TMEM164: variants seen among roughly 807,000 people sequenced by gnomAD.
TMEM164 encodes the protein RP13-360B22.2.
A neutral mutation model predicts 18.8 loss-of-function variants in TMEM164; 4 were observed. The observed-to-expected ratio is 0.21, with a 90% CI of 0.10 to 0.49. The LOEUF is 0.49. TMEM164 is among the 20% of genes least tolerant of loss of function. The pLI, the probability that TMEM164 is intolerant of heterozygous loss-of-function variation, is 0.98. For synonymous variants in TMEM164, 86 were observed against 101.7 expected, an observed-to-expected ratio of 0.85 and a Z score of 0.93; for missense variants, 108 against 239.9, an observed-to-expected ratio of 0.45 and a Z score of 3.63.
intron 2 of TMEM164, among the ~76,000 whole-genome samples, chrX:110,052,523 T>A (rs1358882131): frequency 9.0e-6 from 1 of 111,518 alleles, no homozygotes; most frequent in South Asian, 3.7e-4. Context: ...TATGGAGACA[T>A]CTTGTTTCAT....
In TMEM164 at chrX:110,020,293, G is replaced by A. The variant is rs1933737291; in HGVS notation, c.390+16129G>A. 9 of 660,926 alleles carry A rather than the reference G, an allele frequency of 1.4e-5. No homozygotes were observed. The South Asian group carries it at 6.3e-4, about 46-fold the overall frequency. 54.5% of individuals were successfully genotyped at this position (660,926 alleles called of 1,213,427 possible). On this transcript the variant is annotated intron_variant, in intron 2 of 6. Coordinates refer to ENST00000372068, the MANE Select transcript of TMEM164 (RefSeq NM_032227.4). ...TCCAATCCCTTTGTTTTCCAGATGAGGAAACTGTGGCTTAGAGGAAAAGGT... is the reference window on the plus strand; with the variant it reads ...TCCAATCCCTTTGTTTTCCAGATGAAGAAACTGTGGCTTAGAGGAAAAGGT...
chrX:110,048,486 G>A (rs139873350), intron 2 of TMEM164, among the ~76,000 whole-genome samples: 1,145 of 111,332 alleles, frequency 0.01, 21 homozygotes, highest in African/African-American at 0.036. Context: ...TGATATGGCC[G>A]GTAAATGAAT....
chrX:110,159,282 G>A (rs1173384200), intron 5 of TMEM164, among the ~76,000 whole-genome samples: 1 of 111,034 alleles, frequency 9.0e-6, no homozygotes, highest in Admixed American at 9.6e-5. Context: ...GTGGAAGAAA[G>A]GCTAGAAGAG....
intron 3 of TMEM164, among the ~76,000 whole-genome samples, chrX:110,081,712 G>A (rs1364696218): frequency 8.9e-6 from 1 of 112,511 alleles, no homozygotes; most frequent in African/African-American, 3.2e-5. Flanking sequence ...GCTCTGTTGT[G>A]ATCTTTATGC....
chrX:110,015,550 AGTGTGTGT>A (rs200228472), intron 2 of TMEM164, among the ~76,000 whole-genome samples: 8 of 99,637 alleles, frequency 8.0e-5, no homozygotes, highest in Non-Finnish European at 1.4e-4. Context: ...CAGGAACTTG[AGTGTGTGT>A]GTGTGTGTGT....
At chrX:110,149,838 G>A (rs908885006) in intron 5 of TMEM164, among the ~76,000 whole-genome samples, 15 of 111,755 alleles carry the variant, frequency 1.3e-4, no homozygotes, top group African/African-American at 4.2e-4. Context: ...CTTGTGGTTC[G>A]TGCCAAGTAG....
At chrX:110,017,450 C>T (rs1350513032) in intron 2 of TMEM164, among the ~76,000 whole-genome samples, 44 of 84,696 alleles carry the variant, frequency 5.2e-4, no homozygotes, top group African/African-American at 1.8e-3. Context: ...TTCTTTCTCT[C>T]TCTCTCTCTC....
intron 3 of TMEM164, among the ~76,000 whole-genome samples, chrX:110,073,616 G>A (rs908485771): frequency 4.5e-5 from 5 of 111,323 alleles, no homozygotes; most frequent in Non-Finnish European, 7.5e-5. Flanking sequence ...ATGAATATAC[G>A]GGTACTTGTA....
At chrX:110,097,790 G>T (rs1167039943) in intron 3 of TMEM164, among the ~76,000 whole-genome samples, 6 of 111,910 alleles carry the variant, frequency 5.4e-5, no homozygotes, top group African/African-American at 1.9e-4. Flanking sequence ...TAAGTGTAAA[G>T]AAAAAACTAG....
intron 3 of TMEM164, among the ~76,000 whole-genome samples, chrX:110,108,657 A>G (rs1285482029): frequency 1.8e-5 from 2 of 111,870 alleles, no homozygotes; most frequent in East Asian, 2.8e-4. Context: ...ATTATACATG[A>G]CAGTGTAAAT....
At chrX:110,127,585 A>G (rs2066553256) in intron 4 of TMEM164, among the ~76,000 whole-genome samples, 1 of 112,516 alleles carries the variant, frequency 8.9e-6, no homozygotes, top group African/African-American at 3.2e-5. Context: ...AAGTGAGAGA[A>G]GATTCTTTTT....
Position 110,162,139 on chromosome X carries a change from T to A in TMEM164, c.587-9281T>A, listed in dbSNP as rs531854640. ...TCTGATACAGAACGAGTTGAAACCT[T>A]GTTGCCTCAGATGATCCAAGAGTTG... is the stretch of plus-strand genomic sequence containing the variant. On this transcript the variant is annotated intron_variant, in intron 5 of 6. Coordinates refer to ENST00000372068, the MANE Select transcript of TMEM164 (RefSeq NM_032227.4). Among the ~76,000 whole-genome samples, 25 of 112,786 alleles carry A rather than the reference T, an allele frequency of 2.2e-4. No homozygotes were observed. In the South Asian group the frequency reaches 5.2e-3, roughly 23 times the overall value.
At chrX:110,127,975 G>A (rs1172883803) in intron 4 of TMEM164, among the ~76,000 whole-genome samples, 3 of 112,397 alleles carry the variant, frequency 2.7e-5, no homozygotes, top group Non-Finnish European at 5.6e-5. Flanking sequence ...TCCACTAAAC[G>A]TATGTTCCTA....
chrX:110,010,961 G>A (rs941367757), intron 2 of TMEM164, among the ~76,000 whole-genome samples: 4 of 111,588 alleles, frequency 3.6e-5, no homozygotes, highest in African/African-American at 1.3e-4. Flanking sequence ...TCTAAGATCT[G>A]CAGGGACTAA....
intron 5 of TMEM164, among the ~76,000 whole-genome samples, chrX:110,169,105 C>T (rs5942902): frequency 0.065 from 7,279 of 111,787 alleles, 216 homozygotes; most frequent in African/African-American, 0.1. Flanking sequence ...ACTGCCCATG[C>T]TCTTATCCAT....
intron 4 of TMEM164, among the ~76,000 whole-genome samples, chrX:110,139,148 A>G (rs1260775091): frequency 1.8e-5 from 2 of 112,564 alleles, no homozygotes; most frequent in East Asian, 5.5e-4. Context: ...AAGGTATTTT[A>G]GCATGTTTGT....
At chrX:110,170,905 T>C (rs1429427699) in intron 5 of TMEM164, among the ~76,000 whole-genome samples, 1 of 111,853 alleles carries the variant, frequency 8.9e-6, no homozygotes, top group African/African-American at 3.3e-5. Context: ...TAAACAACTT[T>C]TCACATGGCC....
chrX:110,134,582 AAAAG>A lies in TMEM164; in HGVS notation c.508-10215_508-10212del, dbSNP rs1417134823. ...CTCAAAAAAAAAAAAAAAAAAAAAA[AAAAG>A]GACCAGTGGCTGCCCCCCCGCTTAA... On this transcript the variant is annotated intron_variant, in intron 4 of 6. Coordinates refer to ENST00000372068, the MANE Select transcript of TMEM164 (RefSeq NM_032227.4). Among the ~76,000 whole-genome samples, 16 of 105,030 alleles carry A rather than the reference AAAAG, an allele frequency of 1.5e-4. 1 individual carries two copies. The highest frequency in any genetic ancestry group is 3.9e-5 in the Non-Finnish European group (2 of 51,176). 91.2% of individuals were successfully genotyped at this position (105,030 alleles called of 115,157 possible). A position where few individuals can be genotyped will look rare whatever the true frequency, so the allele number is the denominator to read the frequency against.
At position 110,176,494 on chromosome X, in the gene TMEM164, G is replaced by T; in HGVS notation, c.*3043G>T. The T allele has an allele frequency of 1.4e-6, 1 of 711,747 alleles. No homozygotes were observed. The highest frequency in any genetic ancestry group is 1.7e-6 in the Non-Finnish European group (1 of 599,351). 58.7% of individuals were successfully genotyped at this position (711,747 alleles called of 1,213,427 possible). A position where few individuals can be genotyped will look rare whatever the true frequency, so the allele number is the denominator to read the frequency against. ...AAACTTCATCGCATTCATAGAAGCT[G>T]CTTGCAGGGTCGCCGGGCTAACCAG... On this transcript the variant is annotated 3_prime_UTR_variant, in exon 7 of 7. Transcript: ENST00000372068.
Sources: allele counts gnomAD v4.1 joint callset (sites outside exome capture counted in the v4.1 genomes callset), GRCh38; gene constraint gnomAD v4.1.1; transcripts MANE v1.5; gene names NCBI Gene and HGNC (gene_info 2026-07-23, HGNC 2026-07-21).